The following ADARB2 variants were observed in gnomAD, a reference collection of about 807,000 sequenced individuals.
ADARB2 encodes inactive double-stranded RNA-specific editase B2.
Under a neutral mutation model 62.2 loss-of-function variants are expected in ADARB2, and 25 were observed. That is an observed-to-expected ratio of 0.40 (90% confidence interval 0.29 to 0.56). The LOEUF is 0.56. ADARB2 is among the 20% of genes least tolerant of loss of function. The probability of loss-of-function intolerance (pLI) is 0.43; values close to 1 mark genes in which losing one functional copy is unlikely to be tolerated. For synonymous variants in ADARB2, 572 were observed against 500.8 expected, an observed-to-expected ratio of 1.14 and a Z score of -1.90; for missense variants, 1,071 against 1,077.4, an observed-to-expected ratio of 0.99 and a Z score of 0.08.
chr10:1,265,587 G>A (rs1455954056), intron 4 of ADARB2, among the ~76,000 whole-genome samples: 2 of 138,220 alleles, frequency 1.4e-5, no homozygotes, highest in African/African-American at 5.6e-5. Context: ...TCAGGTCCAC[G>A]CTCTCCCGGA....
At chr10:1,274,548 C>T (rs534088129) in intron 3 of ADARB2, among the ~76,000 whole-genome samples, 1 of 152,094 alleles carries the variant, frequency 6.6e-6, no homozygotes, top group South Asian at 2.1e-4. Context: ...TTTGTGTCTG[C>T]TTGAGAGGCT....
At chr10:1,194,782 T>C (rs979075327) in intron 8 of ADARB2, among the ~76,000 whole-genome samples, 5 of 152,242 alleles carry the variant, frequency 3.3e-5, no homozygotes, top group African/African-American at 1.2e-4. Context: ...AAGTGTTCCA[T>C]CTTGCTTTAG....
intron 1 of ADARB2, chr10:1,676,110 T>G (rs1834463861): frequency 1.0e-6 from 1 of 977,480 alleles, no homozygotes; most frequent in Non-Finnish European, 1.2e-6. Flanking sequence ...GCAGGCATAT[T>G]AGGACAAAAT....
At chr10:1,707,272 C>G (rs556094000) in intron 1 of ADARB2, among the ~76,000 whole-genome samples, 2 of 152,350 alleles carry the variant, frequency 1.3e-5, no homozygotes, top group Admixed American at 1.3e-4. Context: ...TCAGATCCAC[C>G]TCGTCAGAGG....
At chr10:1,281,130 T>G (rs758408341) in intron 3 of ADARB2, among the ~76,000 whole-genome samples, 1 of 152,248 alleles carries the variant, frequency 6.6e-6, no homozygotes, top group Non-Finnish European at 1.5e-5. Context: ...CTCTGCACCA[T>G]AACTCATGAT....
intron 1 of ADARB2, among the ~76,000 whole-genome samples, chr10:1,460,454 A>T (rs112924546): frequency 1.3e-3 from 58 of 43,312 alleles, no homozygotes; most frequent in Non-Finnish European, 1.4e-3. Context: ...TTACCTGCGT[A>T]ACGAACCTGC....
rs1044848992 is a variant in ADARB2, at chr10:1,625,912, C to T, written c.100+111139G>A. Among the ~76,000 whole-genome samples, 3 of 150,538 alleles carry T rather than the reference C, an allele frequency of 2.0e-5. No homozygotes were observed. In the East Asian group the frequency reaches 5.8e-4, roughly 29 times the overall value. ...CTTCTCACGCCTCTGCCTGACCCTG[C>T]GCTCTCTCCTGCATGGACACAGGCC... On this transcript the variant is annotated intron_variant, in intron 1 of 9. Transcript: ENST00000381312.
At chr10:1,606,555 G>T (rs1016113816) in intron 1 of ADARB2, among the ~76,000 whole-genome samples, 1 of 152,198 alleles carries the variant, frequency 6.6e-6, no homozygotes, top group Non-Finnish European at 1.5e-5. Context: ...TCCCAAGTCC[G>T]AAGGAGACCA....
chr10:1,705,900 G>A (rs749070353), intron 1 of ADARB2, among the ~76,000 whole-genome samples: 2 of 152,240 alleles, frequency 1.3e-5, no homozygotes, highest in Admixed American at 1.3e-4. Context: ...TGCTTCCCTA[G>A]CTATTCTAGG....
intron 7 of ADARB2, among the ~76,000 whole-genome samples, chr10:1,212,320 A>T (rs1837165306): frequency 6.6e-6 from 1 of 152,240 alleles, no homozygotes; most frequent in Non-Finnish European, 1.5e-5. Flanking sequence ...TCATTAGCAT[A>T]ACATATGCTG....
chr10:1,496,855 C>T (rs1433431836), intron 1 of ADARB2, among the ~76,000 whole-genome samples: 8 of 152,296 alleles, frequency 5.3e-5, no homozygotes, highest in South Asian at 2.1e-4. Context: ...CGGAGAGCAA[C>T]GCACACTGGG....
At chr10:1,264,334 A>G (rs1340491316) in intron 4 of ADARB2, among the ~76,000 whole-genome samples, 1 of 152,224 alleles carries the variant, frequency 6.6e-6, no homozygotes, top group Non-Finnish European at 1.5e-5. Flanking sequence ...CATTCAGGGG[A>G]GACAACGGAA....
chr10:1,308,080 TAA>T (rs1005906412), intron 3 of ADARB2, among the ~76,000 whole-genome samples: 3 of 113,752 alleles, frequency 2.6e-5, no homozygotes, highest in African/African-American at 5.4e-5. Flanking sequence ...TAAAGTATAA[TAA>T]AAAAAATAAA....
At chr10:1,695,491 G>A (rs1316284729) in intron 1 of ADARB2, among the ~76,000 whole-genome samples, 1 of 152,206 alleles carries the variant, frequency 6.6e-6, no homozygotes, top group Admixed American at 6.5e-5. Flanking sequence ...TTCATTAAGA[G>A]CTTATTAAAC....
intron 1 of ADARB2, among the ~76,000 whole-genome samples, chr10:1,702,454 T>G (rs2119141734): frequency 6.6e-6 from 1 of 152,264 alleles, no homozygotes; most frequent in South Asian, 2.1e-4. Flanking sequence ...TCTCTTGAGG[T>G]CTCTCTGTCC....
At chr10:1,611,206 C>T (rs1001390295) in intron 1 of ADARB2, among the ~76,000 whole-genome samples, 1 of 152,108 alleles carries the variant, frequency 6.6e-6, no homozygotes, top group Admixed American at 6.5e-5. Context: ...CTCTCAGGCC[C>T]GTTTTGGAGG....
chr10:1,702,012 C>T (rs985608055), intron 1 of ADARB2, among the ~76,000 whole-genome samples: 1 of 152,210 alleles, frequency 6.6e-6, no homozygotes, highest in African/African-American at 2.4e-5. Flanking sequence ...TAAAGAAAGA[C>T]AAAGAGAAAG....
At chr10:1,384,863 A>C (rs976383795) in intron 1 of ADARB2, among the ~76,000 whole-genome samples, 1 of 152,196 alleles carries the variant, frequency 6.6e-6, no homozygotes, top group African/African-American at 2.4e-5. Flanking sequence ...CTCAGATTTC[A>C]CAGAGAGCAG....
intron 1 of ADARB2, among the ~76,000 whole-genome samples, chr10:1,495,480 A>G (rs1831675240): frequency 6.6e-6 from 1 of 152,240 alleles, no homozygotes. Context: ...CTACTATGCA[A>G]TGGGTTTAAA....
Sources: gnomAD v4.1 joint callset for allele counts (sites outside exome capture counted in the v4.1 genomes callset) on GRCh38, gnomAD v4.1.1 for gene constraint, MANE v1.5 for transcripts, NCBI Gene and HGNC (gene_info 2026-07-23, HGNC 2026-07-21) for gene names.